Variants in SLC25A26 observed in about 807,000 individuals in gnomAD.
SLC25A26 encodes the protein mitochondrial S-adenosylmethionine carrier protein.
A neutral mutation model predicts 37.8 loss-of-function variants in SLC25A26; 36 were observed. That is an observed-to-expected ratio of 0.95 (90% CI 0.73 to 1.26). The LOEUF is 1.26. SLC25A26 is among the 50% of genes most tolerant of loss of function. The probability of loss-of-function intolerance (pLI) is 0.00; values close to 1 mark genes in which losing one functional copy is unlikely to be tolerated. For synonymous variants in SLC25A26, 129 were observed against 122.5 expected, an observed-to-expected ratio of 1.05 and a Z score of -0.35; for missense variants, 390 against 331.1, an observed-to-expected ratio of 1.18 and a Z score of -1.38.
intron 1 of SLC25A26, among the ~76,000 whole-genome samples, chr3:66,154,323 A>G (rs943778931): frequency 1.3e-5 from 2 of 152,132 alleles, no homozygotes; most frequent in Non-Finnish European, 2.9e-5. Context: ...TTGTTTTGGC[A>G]GAGATTATCC....
At chr3:66,377,479 A>C (rs1369631966) in intron 9 of SLC25A26, among the ~76,000 whole-genome samples, 1 of 151,760 alleles carries the variant, frequency 6.6e-6, no homozygotes, top group Non-Finnish European at 1.5e-5. Flanking sequence ...AAAAAAAATC[A>C]ATTTCATGTT....
intron 5 of SLC25A26, among the ~76,000 whole-genome samples, chr3:66,287,034 C>T (rs1031353422): frequency 3.9e-5 from 6 of 152,064 alleles, no homozygotes; most frequent in Non-Finnish European, 7.4e-5. Flanking sequence ...CGGTGGCTCA[C>T]GCCTGCAATC....
chr3:66,346,524 G>A (rs1303401177), intron 6 of SLC25A26, 116 bp downstream of exon 6: 4 of 506,402 alleles, frequency 7.9e-6, no homozygotes, highest in Non-Finnish European at 1.4e-5. Context: ...AAACCTATTA[G>A]CAGTTGAAAA....
chr3:66,251,514 G>T (rs778128197), intron 3 of SLC25A26, among the ~76,000 whole-genome samples: 59 of 152,182 alleles, frequency 3.9e-4, no homozygotes, highest in Non-Finnish European at 3.2e-4. Flanking sequence ...GAATAAGCAT[G>T]CCCCATCTTG....
At chr3:66,292,100 C>T (rs1030395120) in intron 5 of SLC25A26, among the ~76,000 whole-genome samples, 17 of 152,066 alleles carry the variant, frequency 1.1e-4, no homozygotes, top group African/African-American at 2.7e-4. Context: ...AAGTCTGTTT[C>T]GTCAGAGACT....
intron 6 of SLC25A26, among the ~76,000 whole-genome samples, chr3:66,349,395 T>C (rs115217348): frequency 0.037 from 5,633 of 152,236 alleles, 142 homozygotes; most frequent in Admixed American, 0.055. Flanking sequence ...CCACAGCCCC[T>C]GTGAGCCACT....
chr3:66,322,157 G>T (rs1436694163), intron 5 of SLC25A26, among the ~76,000 whole-genome samples: 2 of 152,288 alleles, frequency 1.3e-5, no homozygotes, highest in Middle Eastern at 3.4e-3. Flanking sequence ...TTGAAGATGA[G>T]TGTGGGGAGG....
At chr3:66,272,145 T>A (rs2073981705) in intron 5 of SLC25A26, among the ~76,000 whole-genome samples, 3 of 152,140 alleles carry the variant, frequency 2.0e-5, no homozygotes, top group South Asian at 4.1e-4. Flanking sequence ...TGTGCTAAGT[T>A]GTTTACATAC....
intron 1 of SLC25A26, among the ~76,000 whole-genome samples, chr3:66,165,307 G>T (rs1283584155): frequency 2.0e-5 from 3 of 152,178 alleles, no homozygotes; most frequent in Non-Finnish European, 1.5e-5. Flanking sequence ...AACCTCATGA[G>T]AAACTTTGAG....
intron 5 of SLC25A26, among the ~76,000 whole-genome samples, chr3:66,322,686 G>C (rs759203836): frequency 1.3e-5 from 2 of 152,224 alleles, no homozygotes; most frequent in Non-Finnish European, 2.9e-5. Flanking sequence ...TGTAGACTTA[G>C]AATTTGAAGT....
chr3:66,206,628 TAGAC>T (rs2071180915), intron 1 of SLC25A26, among the ~76,000 whole-genome samples: 1 of 152,104 alleles, frequency 6.6e-6, no homozygotes, highest in African/African-American at 2.4e-5. Flanking sequence ...TATAAAGCAT[TAGAC>T]AGAGGACATT....
chr3:66,333,297 A>T (rs757307758), intron 5 of SLC25A26, among the ~76,000 whole-genome samples: 2 of 151,820 alleles, frequency 1.3e-5, no homozygotes, highest in African/African-American at 2.4e-5. Flanking sequence ...ATCTTATTAG[A>T]TCTGTCCTCC....
chr3:66,208,743 GGT>G (rs2071217171), intron 1 of SLC25A26, among the ~76,000 whole-genome samples: 1 of 104,106 alleles, frequency 9.6e-6, no homozygotes, highest in Non-Finnish European at 2.0e-5. Context: ...CATTTATATG[GGT>G]GTATATATAT....
chr3:66,304,466 G>A (rs943386911), intron 5 of SLC25A26: 1 of 456,306 alleles, frequency 2.2e-6, no homozygotes, highest in Non-Finnish European at 4.4e-6. Context: ...GAGGATTAGA[G>A]TCAAAGGTGT....
At chr3:66,371,597 G>C (rs1204191742) in intron 9 of SLC25A26, among the ~76,000 whole-genome samples, 2 of 152,224 alleles carry the variant, frequency 1.3e-5, no homozygotes, top group Non-Finnish European at 2.9e-5. Context: ...GGCAAAGCCA[G>C]AGGAATAATT....
At chr3:66,374,459 CA>C (rs1700523868) in intron 9 of SLC25A26, among the ~76,000 whole-genome samples, 1 of 152,354 alleles carries the variant, frequency 6.6e-6, no homozygotes, top group Admixed American at 6.5e-5. Context: ...TGTCTCCAAC[CA>C]GCCATTCCCT....
At chr3:66,297,389 C>G (rs917530658) in intron 5 of SLC25A26, among the ~76,000 whole-genome samples, 1 of 149,678 alleles carries the variant, frequency 6.7e-6, no homozygotes, top group African/African-American at 2.4e-5. Flanking sequence ...TGCTCTTTTG[C>G]TTAGTAAAGT....
rs112603750 is a variant in SLC25A26, at chr3:66,339,092, T to C, written c.454-7272T>C. On this transcript the variant is annotated intron_variant, in intron 5 of 9. Transcript: ENST00000354883. ...TTTGGCTGTATACCCGGGAGCAAAA[T>C]TGCTGGATCATAAGGTCATTCTGTG... 2.5e-3 allele frequency among the ~76,000 whole-genome samples: 385 copies of C among 152,130 alleles called. 2 individuals carry two copies. The highest frequency in any genetic ancestry group is 9.1e-3 in the African/African-American group (378 of 41,554).
chr3:66,207,362 AC>A (rs2071195273), intron 1 of SLC25A26, among the ~76,000 whole-genome samples: 1 of 152,088 alleles, frequency 6.6e-6, no homozygotes, highest in Admixed American at 6.6e-5. Context: ...TTCACGGCAA[AC>A]AAGCCAGGTA....
Sources: gnomAD v4.1 joint callset for allele counts (sites outside exome capture counted in the v4.1 genomes callset) on GRCh38, gnomAD v4.1.1 for gene constraint, MANE v1.5 for transcripts, NCBI Gene and HGNC (gene_info 2026-07-23, HGNC 2026-07-21) for gene names.